AIM2: variants seen among roughly 807,000 people sequenced by gnomAD.
AIM2 encodes interferon-inducible protein AIM2.
A neutral mutation model predicts 27.7 loss-of-function variants in AIM2; 30 were observed. That is an observed-to-expected ratio of 1.08 (90% CI 0.81 to 1.47). The LOEUF (loss-of-function observed/expected upper bound fraction) is 1.47. Ranked by LOEUF, AIM2 falls within the 40% of genes most tolerant of loss-of-function variation. The probability of loss-of-function intolerance (pLI) is 0.00; values close to 1 mark genes in which losing one functional copy is unlikely to be tolerated. For synonymous variants in AIM2, 141 were observed against 145.3 expected (o/e 0.97, Z 0.21); for missense variants, 358 against 411.3 (o/e 0.87, Z 1.12).
chr1:159,134,708 T>C (rs1241762922), intron 1 of AIM2, among the ~76,000 whole-genome samples: 1 of 152,190 alleles, frequency 6.6e-6, no homozygotes, highest in Non-Finnish European at 1.5e-5. Context: ...GGCAGATGCC[T>C]GTAATCCCAG....
intron 1 of AIM2, among the ~76,000 whole-genome samples, chr1:159,135,820 C>A (rs770154485): frequency 2.0e-5 from 3 of 152,184 alleles, no homozygotes; most frequent in Non-Finnish European, 2.9e-5. Context: ...GCAAGGAATT[C>A]ACCCAGAAAA....
rs189697761 is a variant in AIM2, at chr1:159,130,677, C to T, written c.-16+9754G>A. 1.4e-4 allele frequency among the ~76,000 whole-genome samples: 22 copies of T among 152,032 alleles called. No individual in the cohort carries two copies. In the East Asian group the frequency reaches 4.2e-3, roughly 29 times the overall value. On this transcript the variant is annotated intron_variant, in intron 1 of 2. Transcript: ENST00000368129. ...TTTCTCTCCACTTCTCTAATACAAGCCAACACCATATCACATATACCCTCA... is the reference window on the plus strand; with the variant it reads ...TTTCTCTCCACTTCTCTAATACAAGTCAACACCATATCACATATACCCTCA...
chr1:159,104,990 C>T (rs1657400079), intron 1 of AIM2, among the ~76,000 whole-genome samples: 1 of 152,224 alleles, frequency 6.6e-6, no homozygotes, highest in Non-Finnish European at 1.5e-5. Flanking sequence ...CCAGTGGCAC[C>T]TTTGCCTGAG....
intron 1 of AIM2, among the ~76,000 whole-genome samples, chr1:159,133,264 A>G (rs1489693300): frequency 1.3e-5 from 2 of 152,160 alleles, no homozygotes; most frequent in East Asian, 1.9e-4. Flanking sequence ...TAAAAAAACA[A>G]TTAAGATGTG....
intron 1 of AIM2, among the ~76,000 whole-genome samples, chr1:159,105,096 G>A (rs1213081479): frequency 1.3e-5 from 2 of 152,204 alleles, no homozygotes. Context: ...TGCCAAGGGT[G>A]AGCCAGGCAC....
chr1:159,139,841 C>G (rs1377816756), intron 1 of AIM2, among the ~76,000 whole-genome samples: 1 of 152,196 alleles, frequency 6.6e-6, no homozygotes, highest in African/African-American at 2.4e-5. Context: ...CAGAAAGACT[C>G]TAGAAATGAG....
chr1:159,071,802 G>A (rs965580878), intron 2 of AIM2, among the ~76,000 whole-genome samples: 2 of 152,184 alleles, frequency 1.3e-5, no homozygotes, highest in Admixed American at 6.5e-5. Flanking sequence ...GAGCCACTGC[G>A]CCTGGCCCAA....
intron 1 of AIM2, among the ~76,000 whole-genome samples, chr1:159,117,017 G>A (rs1034195091): frequency 6.6e-6 from 1 of 152,032 alleles, no homozygotes; most frequent in Non-Finnish European, 1.5e-5. Context: ...GTTATTTTTT[G>A]TGTTATTTTA....
intron 1 of AIM2, chr1:159,122,252 G>A (rs1353043329): frequency 6.6e-6 from 1 of 152,208 alleles, no homozygotes; most frequent in African/African-American, 2.4e-5. Context: ...CCAGTCGGAT[G>A]TAAGTGCTCC....
intron 1 of AIM2, among the ~76,000 whole-genome samples, chr1:159,127,384 T>C (rs1647720950): frequency 6.6e-6 from 1 of 152,218 alleles, no homozygotes; most frequent in Non-Finnish European, 1.5e-5. Flanking sequence ...AACAGATCAG[T>C]GTCGGCCCTG....
upstream of AIM2, among the ~76,000 whole-genome samples, chr1:159,077,996 T>C (rs1454493883): frequency 2.0e-5 from 3 of 152,188 alleles, no homozygotes; most frequent in East Asian, 5.8e-4. Flanking sequence ...CTCAAGATGC[T>C]CAAGGAGCAG....
chr1:159,121,367 C>G (rs558086016), intron 1 of AIM2, among the ~76,000 whole-genome samples: 1 of 152,282 alleles, frequency 6.6e-6, no homozygotes, highest in East Asian at 1.9e-4. Flanking sequence ...GTTTTAGGTA[C>G]AAACACTACT....
intron 2 of AIM2, among the ~76,000 whole-genome samples, chr1:159,070,763 C>A (rs1656321290): frequency 6.6e-6 from 1 of 152,220 alleles, no homozygotes; most frequent in African/African-American, 2.4e-5. Context: ...AGGATCTCTG[C>A]ACTAGGAAGA....
chr1:159,080,874 T>C (rs980593107), upstream of AIM2, among the ~76,000 whole-genome samples: 1 of 152,200 alleles, frequency 6.6e-6, no homozygotes, highest in African/African-American at 2.4e-5. Flanking sequence ...CTATAACTTA[T>C]TCATCTTGGC....
chr1:159,100,644 G>C (rs1657293015), intron 1 of AIM2, among the ~76,000 whole-genome samples: 2 of 152,222 alleles, frequency 1.3e-5, no homozygotes, highest in Admixed American at 6.5e-5. Context: ...TACAACAATT[G>C]AATCTGCATT....
chr1:159,077,873 AAGTT>A (rs1457330738), upstream of AIM2, among the ~76,000 whole-genome samples: 2 of 152,208 alleles, frequency 1.3e-5, no homozygotes, highest in East Asian at 1.9e-4. Flanking sequence ...GAGAATATAA[AAGTT>A]AGTAAGACAA....
chr1:159,076,259 ATG>A (rs1656603817), intron 1 of AIM2, among the ~76,000 whole-genome samples: 1 of 152,208 alleles, frequency 6.6e-6, no homozygotes, highest in South Asian at 2.1e-4. Flanking sequence ...ATCACATTTT[ATG>A]TGATTGACTC....
chr1:159,110,598 A>G (rs542354364), intron 1 of AIM2, among the ~76,000 whole-genome samples: 1 of 152,270 alleles, frequency 6.6e-6, no homozygotes, highest in African/African-American at 2.4e-5. Flanking sequence ...CAGCCCACCT[A>G]TTGCCAAAGT....
chr1:159,073,176 G>A, intron 2 of AIM2, 62 bp downstream of exon 2: 1 of 1,593,850 alleles, frequency 6.3e-7, no homozygotes, highest in Non-Finnish European at 8.6e-7. Context: ...GGGATGCCAT[G>A]AAAGGAAAGG....
Sources: gnomAD v4.1 joint callset for allele counts (sites outside exome capture counted in the v4.1 genomes callset) on GRCh38, gnomAD v4.1.1 for gene constraint, MANE v1.5 for transcripts, NCBI Gene and HGNC (gene_info 2026-07-23, HGNC 2026-07-21) for gene names.